ORC3: variants seen among roughly 807,000 people sequenced by gnomAD.
The protein encoded by ORC3 is origin recognition complex subunit 3.
A neutral mutation model predicts 100.7 loss-of-function variants in ORC3; 78 were observed. The ratio of observed to expected loss-of-function variants is 0.77; its 90% confidence interval spans 0.65 to 0.94. The LOEUF (loss-of-function observed/expected upper bound fraction) is 0.94. Ranked by LOEUF, ORC3 falls within the 40% of genes least tolerant of loss-of-function variation. The pLI is 0.00. For synonymous variants in ORC3, 295 were observed against 289.3 expected (o/e 1.02, Z -0.20); for missense variants, 789 against 823.9 (o/e 0.96, Z 0.52).
intron 13 of ORC3, among the ~76,000 whole-genome samples, chr6:87,639,278 T>G (rs7746465): frequency 0.6 from 91,065 of 151,872 alleles, 27,915 homozygotes; most frequent in African/African-American, 0.72. Context: ...CCCATTCAGG[T>G]TAGTATGGCT....
At position 87,590,185 on chromosome 6, in the gene ORC3, T is replaced by G; in HGVS notation, c.17T>G (p.Met6Arg). The G allele has an allele frequency of 6.2e-7, 1 of 1,613,990 alleles. No homozygotes were observed. Among genetic ancestry groups the G allele is most frequent in the Non-Finnish European group, 8.5e-7 (1 of 1,179,854 alleles). ...AGTAAGACCATGGCTACGTCCTCGA[T>G]GTCTAAGGTATGTGGTGGCCGATGC... is the stretch of plus-strand genomic sequence containing the variant. MATSS[M>R]SKGCFVFKPN... The change falls in exon 1 of 20, where the codon ATG becomes AGG. Residue 6 changes from methionine to arginine, a missense_variant. Transcript: ENST00000392844.
In ORC3 at chr6:87,621,986, G is replaced by A. The variant is rs535822044; in HGVS notation, c.1158G>A (p.Ala386=). ...VEKQASEKQV[A]LLTNERYLKE... ...AGCAAGCTTCAGAAAAGCAAGTTGC[G>A]CTCTTGACCAATGAGAGATATTTGA... is the stretch of plus-strand genomic sequence containing the variant. The change falls in exon 11 of 20, where the codon GCG becomes GCA. Residue 386 remains alanine (A), a synonymous_variant. Transcript: ENST00000392844. 132 of 1,608,448 alleles carry A rather than the reference G, an allele frequency of 8.2e-5. 1 individual carries two copies. In the South Asian group the frequency reaches 1.2e-3, roughly 14 times the overall value.
intron 2 of ORC3, among the ~76,000 whole-genome samples, chr6:87,596,984 T>C (rs1777492677): frequency 6.6e-6 from 1 of 152,194 alleles, no homozygotes; most frequent in Non-Finnish European, 1.5e-5. Context: ...GAAACTGATA[T>C]TAATACAATC....
intron 2 of ORC3, among the ~76,000 whole-genome samples, chr6:87,595,778 C>G (rs1445179209): frequency 6.6e-6 from 1 of 152,184 alleles, no homozygotes; most frequent in Non-Finnish European, 1.5e-5. Context: ...CATACGCATA[C>G]TCACACACTC....
chr6:87,639,421 C>T (rs1173793882), intron 13 of ORC3, among the ~76,000 whole-genome samples: 1 of 152,220 alleles, frequency 6.6e-6, no homozygotes, highest in South Asian at 2.1e-4. Context: ...CCCCCAACAA[C>T]TCTCTTGCGT....
intron 13 of ORC3, among the ~76,000 whole-genome samples, chr6:87,641,012 G>A (rs968255963): frequency 2.0e-5 from 3 of 152,126 alleles, no homozygotes; most frequent in Admixed American, 6.5e-5. Context: ...GGGAGGCTGA[G>A]GCAGGAGAAT....
At chr6:87,673,770 G>A in the ORC3 span, among the ~76,000 whole-genome samples, 1 of 151,860 alleles carries the variant, frequency 6.6e-6, no homozygotes, top group African/African-American at 2.4e-5. Context: ...GAACCCGGGA[G>A]GCGGAGGTTA....
At chr6:87,629,440 T>C (rs1237734734) in intron 11 of ORC3, among the ~76,000 whole-genome samples, 4 of 152,212 alleles carry the variant, frequency 2.6e-5, no homozygotes, top group Admixed American at 2.6e-4. Context: ...GCAAATGTAA[T>C]TCTGCCTAGC....
chr6:87,627,800 G>A (rs1158490849), intron 11 of ORC3, among the ~76,000 whole-genome samples: 1 of 152,036 alleles, frequency 6.6e-6, no homozygotes, highest in Non-Finnish European at 1.5e-5. Context: ...GAAATTTACA[G>A]TCTGTATAAC....
At chr6:87,651,472 C>T (rs1419092253) in intron 13 of ORC3, 3 of 308,890 alleles carry the variant, frequency 9.7e-6, no homozygotes, top group Non-Finnish European at 2.0e-5. Flanking sequence ...CAATAGAAAG[C>T]CACAAATTTT....
intron 13 of ORC3, among the ~76,000 whole-genome samples, chr6:87,644,913 A>G (rs1322626550): frequency 6.6e-6 from 1 of 152,142 alleles, no homozygotes; most frequent in East Asian, 1.9e-4. Flanking sequence ...GCTTCTAACC[A>G]TGTGATGAAT....
chr6:87,673,789 C>T, the ORC3 span, among the ~76,000 whole-genome samples: 2 of 151,226 alleles, frequency 1.3e-5, no homozygotes, highest in East Asian at 2.0e-4. Context: ...TACAGTGAGC[C>T]GAGATGGCAG....
chr6:87,615,582 T>C (rs1006179165), intron 8 of ORC3, among the ~76,000 whole-genome samples: 1 of 152,188 alleles, frequency 6.6e-6, no homozygotes, highest in African/African-American at 2.4e-5. Flanking sequence ...ATAATCCCTT[T>C]TACTTGGTAG....
intron 2 of ORC3, 124 bp downstream of exon 2, chr6:87,594,531 T>G: frequency 7.3e-7 from 1 of 1,377,134 alleles, no homozygotes. Context: ...ATGTAGCATT[T>G]ATGTTCCAAG....
intron 15 of ORC3, among the ~76,000 whole-genome samples, chr6:87,657,515 G>A (rs191219439): frequency 3.3e-5 from 5 of 152,266 alleles, no homozygotes; most frequent in African/African-American, 9.6e-5. Flanking sequence ...TATGATAAAT[G>A]TAGAGTAAAA....
At chr6:87,607,106 A>T (rs1778397961) in intron 5 of ORC3, among the ~76,000 whole-genome samples, 1 of 152,134 alleles carries the variant, frequency 6.6e-6, no homozygotes, top group Admixed American at 6.6e-5. Context: ...ATATCTACAC[A>T]TTTGCTTCTG....
At chr6:87,635,537 C>T (rs1767748010) in intron 12 of ORC3, among the ~76,000 whole-genome samples, 1 of 152,170 alleles carries the variant, frequency 6.6e-6, no homozygotes, top group Non-Finnish European at 1.5e-5. Flanking sequence ...TGACTCACGC[C>T]TGTAATCCCA....
intron 13 of ORC3, among the ~76,000 whole-genome samples, chr6:87,644,254 G>A (rs1467994835): frequency 6.7e-6 from 1 of 149,960 alleles, no homozygotes; most frequent in African/African-American, 2.4e-5. Flanking sequence ...CACTACGCCC[G>A]GCTAATTTTT....
chr6:87,647,388 A>G (rs1768883161), intron 13 of ORC3, among the ~76,000 whole-genome samples: 1 of 152,162 alleles, frequency 6.6e-6, no homozygotes, highest in Non-Finnish European at 1.5e-5. Context: ...TCTGCCAGGA[A>G]AAGCTCTTCT....
Sources: allele counts gnomAD v4.1 joint callset (sites outside exome capture counted in the v4.1 genomes callset), GRCh38; gene constraint gnomAD v4.1.1; transcripts MANE v1.5; gene names NCBI Gene and HGNC (gene_info 2026-07-23, HGNC 2026-07-21).